Variants in FASTKD1 observed in about 807,000 individuals in gnomAD.
FASTKD1 encodes the protein FAST kinase domains 1, also known as FAST kinase domain-containing protein 1, mitochondrial.
In FASTKD1, 94 loss-of-function variants were observed where a neutral mutation model predicts 90.9. The observed-to-expected ratio is 1.03, with a 90% CI of 0.88 to 1.23. The LOEUF (loss-of-function observed/expected upper bound fraction) is 1.23, where lower values mean the gene tolerates loss of function less well. Ranked by LOEUF, FASTKD1 falls within the 50% of genes most tolerant of loss-of-function variation. The pLI, the probability that FASTKD1 is intolerant of heterozygous loss-of-function variation, is 0.00. For missense variants in FASTKD1, 945 were observed against 993.5 expected (o/e 0.95, Z 0.66); for synonymous variants, 319 against 345.8 (o/e 0.92, Z 0.86).
chr2:169,553,754 A>T (rs892833914), intron 7 of FASTKD1, among the ~76,000 whole-genome samples: 1 of 147,578 alleles, frequency 6.8e-6, no homozygotes, highest in African/African-American at 2.5e-5. Context: ...CATCTCTACT[A>T]AAAAAAAAAT....
chr2:169,564,475 G>T (rs1236218646), intron 3 of FASTKD1, among the ~76,000 whole-genome samples: 1 of 151,680 alleles, frequency 6.6e-6, no homozygotes. Flanking sequence ...ATATTTATGG[G>T]GTACATGAGA....
At chr2:169,537,365 T>C in intron 11 of FASTKD1, 25 bp from the exon 12 acceptor site, 1 of 1,380,872 alleles carries the variant, frequency 7.2e-7, no homozygotes, top group African/African-American at 1.5e-5. Flanking sequence ...AAATAATTAG[T>C]CTACTTAATC....
intron 7 of FASTKD1, among the ~76,000 whole-genome samples, chr2:169,554,278 T>TAAAAAAAAAA: frequency 3.4e-5 from 1 of 29,812 alleles, no homozygotes; most frequent in Non-Finnish European, 5.2e-5. Flanking sequence ...ACCCTGTCTC[T>TAAAAAAAAAA]AAAAAAAAAA....
intron 6 of FASTKD1, among the ~76,000 whole-genome samples, chr2:169,556,717 C>A (rs947050578): frequency 3.9e-5 from 6 of 152,062 alleles, no homozygotes; most frequent in African/African-American, 1.4e-4. Flanking sequence ...CCGGGCTACT[C>A]AGGAGGCTGA....
At chr2:169,533,354 C>G (rs990402214) in intron 12 of FASTKD1, among the ~76,000 whole-genome samples, 2 of 151,972 alleles carry the variant, frequency 1.3e-5, no homozygotes, top group African/African-American at 4.8e-5. Context: ...GGCACTGAAC[C>G]ATCTTTAAAT....
chr2:169,535,878 A>T (rs1303444192), intron 12 of FASTKD1, among the ~76,000 whole-genome samples: 1 of 152,036 alleles, frequency 6.6e-6, no homozygotes, highest in Non-Finnish European at 1.5e-5. Context: ...TGAGATAGAG[A>T]TATCTAGTTC....
intron 13 of FASTKD1, 24 bp from the exon 14 acceptor site, chr2:169,530,725 A>T (rs760943289): frequency 3.2e-6 from 4 of 1,236,302 alleles, no homozygotes; most frequent in Non-Finnish European, 3.5e-6. Context: ...AAAAATATTT[A>T]CTCCTAAAAT....
chr2:169,543,816 A>G (rs1685066822), intron 9 of FASTKD1, among the ~76,000 whole-genome samples: 1 of 152,148 alleles, frequency 6.6e-6, no homozygotes. Context: ...AGTTAAGAAA[A>G]AAAAAAACCA....
At chr2:169,541,555 T>G (rs1684956079) in intron 9 of FASTKD1, among the ~76,000 whole-genome samples, 1 of 152,160 alleles carries the variant, frequency 6.6e-6, no homozygotes, top group Non-Finnish European at 1.5e-5. Flanking sequence ...TGTGACACAG[T>G]AGTATCAGAC....
intron 3 of FASTKD1, among the ~76,000 whole-genome samples, chr2:169,568,156 A>T (rs1029421847): frequency 6.6e-5 from 10 of 152,200 alleles, no homozygotes; most frequent in African/African-American, 2.4e-4. Context: ...AAAGCTTCTA[A>T]GTCACCTATA....
At chr2:169,569,621 C>A (rs188149232) in intron 2 of FASTKD1, among the ~76,000 whole-genome samples, 1,579 of 152,228 alleles carry the variant, frequency 0.01, 15 homozygotes, top group Non-Finnish European at 0.015. Context: ...CAGGCTGAGG[C>A]GGGCGGATCA....
At position 169,547,884 on chromosome 2, in the gene FASTKD1, C is replaced by CAAAAAAAAAA. The variant is rs1158292826; in HGVS notation, c.1215-1190_1215-1181dup. ...TGGGCGACAGAGGAAGACTCCATCT[C>CAAAAAAAAAA]AAAAAAAAAAAAAAAAAAAAAAAAA... On this transcript the variant is annotated intron_variant, in intron 7 of 14. Transcript: ENST00000453153. 8.6e-3 allele frequency among the ~76,000 whole-genome samples: 183 copies of CAAAAAAAAAA among 21,330 alleles called. 21 individuals carry two copies. Among genetic ancestry groups the CAAAAAAAAAA allele is most frequent in the Middle Eastern group, 0.062 (1 of 16 alleles). 14.0% of individuals were successfully genotyped at this position (21,330 alleles called of 152,430 possible). A position where few individuals can be genotyped will look rare whatever the true frequency, so the allele number is the denominator to read the frequency against.
chr2:169,564,639 C>A (rs1358911938), intron 3 of FASTKD1, among the ~76,000 whole-genome samples: 3 of 152,046 alleles, frequency 2.0e-5, no homozygotes, highest in Non-Finnish European at 4.4e-5. Context: ...TATAGTCACC[C>A]TGTTGTGCTG....
chr2:169,566,785 C>A (rs1684008067), intron 3 of FASTKD1, among the ~76,000 whole-genome samples: 1 of 152,082 alleles, frequency 6.6e-6, no homozygotes, highest in African/African-American at 2.4e-5. Context: ...TAGTACTAAT[C>A]CAGAATAATC....
rs1202444137 is a variant in FASTKD1 at position 169,533,612 on chromosome 2, A to G, written c.2189-2122T>C. On this transcript the variant is annotated intron_variant, in intron 12 of 14. Transcript: ENST00000453153. ...AAATGGTGTCTAACACATAATAAGC[A>G]ATATATAAAAATAAACCTATTATTG... Among the ~76,000 whole-genome samples the G allele has an allele frequency of 2.6e-5, 4 of 152,222 alleles. No individual in the cohort carries two copies. The East Asian group carries it at 7.7e-4, about 29-fold the overall frequency.
intron 4 of FASTKD1, among the ~76,000 whole-genome samples, chr2:169,562,417 A>G (rs1421328905): frequency 6.6e-6 from 1 of 151,804 alleles, no homozygotes; most frequent in African/African-American, 2.4e-5. Flanking sequence ...TTTTTTGTAG[A>G]GATGGGATTT....
chr2:169,530,331 C>T (rs1684423870), intron 14 of FASTKD1, among the ~76,000 whole-genome samples: 1 of 152,058 alleles, frequency 6.6e-6, no homozygotes, highest in African/African-American at 2.4e-5. Flanking sequence ...CAGGGTCTTG[C>T]TCTGTCACCC....
chr2:169,536,715 T>C (rs1297635756), intron 12 of FASTKD1, among the ~76,000 whole-genome samples: 2 of 152,220 alleles, frequency 1.3e-5, no homozygotes, highest in African/African-American at 2.4e-5. Flanking sequence ...ACCAGCTTTA[T>C]GTGATCCACA....
At chr2:169,548,006 A>C (rs958725764) in intron 7 of FASTKD1, among the ~76,000 whole-genome samples, 4 of 149,894 alleles carry the variant, frequency 2.7e-5, no homozygotes, top group Non-Finnish European at 5.9e-5. Context: ...AAAAAAAAAA[A>C]AACAAAACAA....
Sources: gnomAD v4.1 joint callset for allele counts (sites outside exome capture counted in the v4.1 genomes callset) on GRCh38, gnomAD v4.1.1 for gene constraint, MANE v1.5 for transcripts, NCBI Gene and HGNC (gene_info 2026-07-23, HGNC 2026-07-21) for gene names.